ABCA5: variants seen among roughly 807,000 people sequenced by gnomAD.
ABCA5 encodes ATP binding cassette subfamily A member 5, also known as cholesterol transporter ABCA5.
Under a neutral mutation model 206.0 loss-of-function variants are expected in ABCA5, and 163 were observed. The observed-to-expected ratio is 0.79, with a 90% CI of 0.70 to 0.90. The LOEUF is 0.90. Ranked by LOEUF, ABCA5 falls within the 40% of genes least tolerant of loss-of-function variation. The pLI, the probability that ABCA5 is intolerant of heterozygous loss-of-function variation, is 0.00. For synonymous variants in ABCA5, 609 were observed against 613.8 expected (o/e 0.99, Z 0.11); for missense variants, 1,859 against 1,912.9 (o/e 0.97, Z 0.53).
At chr17:69,286,405 A>C in intron 15 of ABCA5, 94 bp from the exon 16 acceptor site, 2 of 1,037,942 alleles carry the variant, frequency 1.9e-6, no homozygotes, top group Non-Finnish European at 2.8e-6. Flanking sequence ...AGAGTCATCC[A>C]CATTATGATA....
At chr17:69,252,931 AGTG>A (rs2075033288) in intron 34 of ABCA5, among the ~76,000 whole-genome samples, 1 of 152,118 alleles carries the variant, frequency 6.6e-6, no homozygotes, top group South Asian at 2.1e-4. Context: ...CATTTCCAAC[AGTG>A]ATTCCATAAG....
chr17:69,271,311 A>G, intron 20 of ABCA5, 22 bp from the exon 21 acceptor site: 1 of 1,595,114 alleles, frequency 6.3e-7, no homozygotes, highest in Non-Finnish European at 8.5e-7. Context: ...AAATAAGCAA[A>G]TAATAAAAAA....
At chr17:69,309,561 G>A (rs1031728148) in intron 3 of ABCA5, 138 bp from the exon 4 acceptor site, 4 of 680,866 alleles carry the variant, frequency 5.9e-6, no homozygotes, top group Non-Finnish European at 8.9e-6. Flanking sequence ...AATGAAAACA[G>A]TCCAAGCACA....
chr17:69,248,287 C>T lies in ABCA5; in HGVS notation c.4796G>A (p.Ser1599Asn). The change falls in exon 38 of 39, where the codon AGC becomes AAC. Residue 1599 changes from serine to asparagine, a missense_variant. By Grantham distance (46) the Ser-to-Asn change is conservative (BLOSUM62 1). Transcript: ENST00000392676. ...AKHAFAIEEY[S>N]FSQATLEQVF... ...CTGTTCCAATGTTGCTTGAGAAAAGCTATATTCTTCAATGGCAAAAGCATG... is the reference window on the plus strand; with the variant it reads ...CTGTTCCAATGTTGCTTGAGAAAAGTTATATTCTTCAATGGCAAAAGCATG... The T allele has an allele frequency of 6.4e-7, 1 of 1,563,270 alleles. No homozygotes were observed.
At position 69,274,065 on chromosome 17, in the gene ABCA5, A is replaced by T; in HGVS notation, c.2658T>A (p.Phe886Leu). Residue 886 changes from phenylalanine (F) to leucine (L), a missense_variant, in exon 20 of 39, where the codon TTT becomes TTA. By Grantham distance (22) the Phe-to-Leu change is conservative. Transcript: ENST00000392676. Reference protein sequence around the residue: ...QIFMFLVHHSFKNAVVPIKLV... With the variant: ...QIFMFLVHHSLKNAVVPIKLV... ...GTTTGATGGGAACCACAGCATTTTT[A>T]AAAGAGTGATGAACCAAAAACATAA... 1 of 1,609,876 alleles carries T rather than the reference A, an allele frequency of 6.2e-7. No homozygotes were observed. The highest frequency in any genetic ancestry group is 8.5e-7 in the Non-Finnish European group (1 of 1,178,780).
intron 22 of ABCA5, among the ~76,000 whole-genome samples, chr17:69,269,519 A>G (rs546830815): frequency 1.3e-5 from 2 of 152,354 alleles, no homozygotes; most frequent in South Asian, 2.1e-4. Flanking sequence ...TAGAGTTACT[A>G]GATGATCTAG....
intron 31 of ABCA5, 130 bp downstream of exon 31, chr17:69,255,413 T>A (rs1229479275): frequency 5.6e-6 from 3 of 539,920 alleles, no homozygotes; most frequent in Non-Finnish European, 9.3e-6. Context: ...CATAATTTGA[T>A]CAGGCTGTAC....
In ABCA5 at chr17:69,254,298, A is replaced by G. The variant is rs200509187; in HGVS notation, c.4244+17T>C. ...TTCCTCTAAGTAACAAAAGGAATCT[A>G]AAGACAATTATTTTACCGACTTATG... On this transcript the variant is annotated intron_variant, in intron 32 of 38. Coordinates refer to ENST00000392676, the MANE Select transcript of ABCA5 (RefSeq NM_172232.4). 1.7e-4 allele frequency: 265 copies of G among 1,579,854 alleles called. No homozygotes were observed. In the African/African-American group the frequency reaches 2.9e-3, roughly 17 times the overall value.
chr17:69,252,282 G>C (rs1245233856), intron 34 of ABCA5, among the ~76,000 whole-genome samples: 1 of 151,906 alleles, frequency 6.6e-6, no homozygotes, highest in East Asian at 1.9e-4. Context: ...CAAAGTGCTG[G>C]GATTACAGGC....
At position 69,256,238 on chromosome 17, in the gene ABCA5, T is replaced by C. The variant is rs746688819; in HGVS notation, c.3777A>G (p.Pro1259=). The C allele has an allele frequency of 2.5e-6, 4 of 1,609,404 alleles. No individual in the cohort carries two copies. The highest frequency in any genetic ancestry group is 2.2e-5 in the East Asian group (1 of 44,598). The change falls in exon 29 of 39, where the codon CCA becomes CCG. Residue 1259 remains proline, a synonymous_variant. Coordinates refer to ENST00000392676, the MANE Select transcript of ABCA5 (RefSeq NM_172232.4). ...CATCTTCATCTTCATCCTCATTGTC[T>C]GGTGGTTCTGGAAGCTTCCTATTTT... ...KSKNRKLPEP[P]DNEDEDEDVK...
At chr17:69,293,263 A>G (rs1432028452) in intron 11 of ABCA5, among the ~76,000 whole-genome samples, 1 of 152,086 alleles carries the variant, frequency 6.6e-6, no homozygotes, top group African/African-American at 2.4e-5. Flanking sequence ...TGTGGGGTCT[A>G]GTAAGTCCCA....
chr17:69,280,978 T>C (rs8069560), intron 18 of ABCA5, among the ~76,000 whole-genome samples: 63,357 of 151,452 alleles, frequency 0.42, 14,274 homozygotes, highest in South Asian at 0.52. Context: ...CACATGTATA[T>C]GTATGTAACT....
rs1475008352 is a variant in ABCA5, at chr17:69,246,336, AT to A, written c.*1200del. The A allele has an allele frequency of 6.6e-6, 1 of 151,970 alleles. No homozygotes were observed. The highest frequency in any genetic ancestry group is 1.5e-5 in the Non-Finnish European group (1 of 67,826). 9.4% of individuals were successfully genotyped at this position (151,970 alleles called of 1,614,324 possible). A position where few individuals can be genotyped will look rare whatever the true frequency, so the allele number is the denominator to read the frequency against. On this transcript the variant is annotated 3_prime_UTR_variant, in exon 39 of 39. Coordinates refer to ENST00000392676, the MANE Select transcript of ABCA5 (RefSeq NM_172232.4). Reference sequence around the variant, plus strand: ...TTTGTTTTATGAAGTTAATACTTTCATTTGGTTGAAATGTAATGTCAACTAG... The same window carrying A: ...TTTGTTTTATGAAGTTAATACTTTCATTGGTTGAAATGTAATGTCAACTAG...
At chr17:69,269,684 T>C (rs2075250924) in intron 22 of ABCA5, among the ~76,000 whole-genome samples, 1 of 152,216 alleles carries the variant, frequency 6.6e-6, no homozygotes, top group Admixed American at 6.5e-5. Flanking sequence ...GAATGCAGTA[T>C]TTCACATAAA....
chr17:69,289,557 G>A (rs1300609985), intron 13 of ABCA5, among the ~76,000 whole-genome samples: 1 of 152,098 alleles, frequency 6.6e-6, no homozygotes, highest in African/African-American at 2.4e-5. Context: ...TTGGGTGGTA[G>A]GGAAGGAATA....
intron 1 of ABCA5, chr17:69,317,562 T>C (rs938195724): frequency 1.3e-5 from 2 of 152,160 alleles, no homozygotes; most frequent in Non-Finnish European, 2.9e-5. Flanking sequence ...AGGGACAGAA[T>C]GCCAACTGGT....
rs553369410 is a variant in ABCA5 at position 69,268,352 on chromosome 17, C to T, written c.3031-296G>A. Among the ~76,000 whole-genome samples the T allele has an allele frequency of 8.5e-5, 13 of 152,188 alleles. No individual in the cohort carries two copies. The East Asian group carries it at 1.7e-3, about 20-fold the overall frequency. Reference sequence around the variant, plus strand: ...AATCAGGCATATAAATTACGCTTCACAATTTCATAAAAATGAATGATGTAT... The same window carrying T: ...AATCAGGCATATAAATTACGCTTCATAATTTCATAAAAATGAATGATGTAT... On this transcript the variant is annotated intron_variant, in intron 22 of 38. Transcript: ENST00000392676.
chr17:69,289,333 A>G, intron 13 of ABCA5, 37 bp from the exon 14 acceptor site: 1 of 1,446,156 alleles, frequency 6.9e-7, no homozygotes, highest in Non-Finnish European at 9.2e-7. Flanking sequence ...TATTTTAAAA[A>G]TCATACCATT....
At position 69,246,453 on chromosome 17, in the gene ABCA5, T is replaced by C. The variant is rs2074952611; in HGVS notation, c.*1084A>G. On this transcript the variant is annotated 3_prime_UTR_variant, in exon 39 of 39. Transcript: ENST00000392676. ...AATATTAGCCATGCCTTTAACTCTA[T>C]CAAAAATGAAATTCTGGTTCTTATT... 1 of 151,936 alleles carries C rather than the reference T, an allele frequency of 6.6e-6. No individual in the cohort carries two copies. The highest frequency in any genetic ancestry group is 1.5e-5 in the Non-Finnish European group (1 of 67,828). 9.4% of individuals were successfully genotyped at this position (151,936 alleles called of 1,614,324 possible). A position where few individuals can be genotyped will look rare whatever the true frequency, so the allele number is the denominator to read the frequency against.
Sources: allele counts gnomAD v4.1 joint callset (sites outside exome capture counted in the v4.1 genomes callset), GRCh38; gene constraint gnomAD v4.1.1; transcripts MANE v1.5; gene names NCBI Gene and HGNC (gene_info 2026-07-23, HGNC 2026-07-21).